Variants in CABCOCO1 observed in about 807,000 individuals in gnomAD.
CABCOCO1 encodes ciliary associated calcium binding coiled-coil 1.
Under a neutral mutation model 35.7 loss-of-function variants are expected in CABCOCO1, and 28 were observed. That is an observed-to-expected ratio of 0.78 (90% CI 0.58 to 1.07). The LOEUF (loss-of-function observed/expected upper bound fraction) is 1.07, where lower values mean the gene tolerates loss of function less well. Among genes scored for constraint, CABCOCO1 ranks in the 50% least tolerant of loss-of-function variants. The probability of loss-of-function intolerance (pLI) is 0.00; values close to 1 mark genes in which losing one functional copy is unlikely to be tolerated. For synonymous variants in CABCOCO1, 95 were observed against 100.1 expected (o/e 0.95, Z 0.30); for missense variants, 326 against 309.2 (o/e 1.05, Z -0.41).
chr10:61,705,529 G>A, intron 5 of CABCOCO1, among the ~76,000 whole-genome samples: 1 of 152,162 alleles, frequency 6.6e-6, no homozygotes, highest in East Asian at 1.9e-4. Context: ...AATGCTCAGA[G>A]CCTAGCAAGA....
intron 1 of CABCOCO1, among the ~76,000 whole-genome samples, chr10:61,667,046 T>C (rs1000962750): frequency 2.8e-5 from 4 of 142,176 alleles, no homozygotes; most frequent in African/African-American, 1.0e-4. Context: ...TATATATAAA[T>C]TTCATATATT....
intron 5 of CABCOCO1, among the ~76,000 whole-genome samples, chr10:61,752,328 G>A (rs989969565): frequency 1.9e-4 from 29 of 148,916 alleles, no homozygotes; most frequent in African/African-American, 5.2e-4. Context: ...TGCCTAATAC[G>A]GTTAAAGAAT....
At chr10:61,729,034 G>C (rs1215091037) in intron 5 of CABCOCO1, among the ~76,000 whole-genome samples, 1 of 152,114 alleles carries the variant, frequency 6.6e-6, no homozygotes, top group East Asian at 1.9e-4. Context: ...AGTTATATTT[G>C]TGGTAAGGGG....
chr10:61,680,622 C>T (rs1302175592), intron 2 of CABCOCO1, among the ~76,000 whole-genome samples: 1 of 45,352 alleles, frequency 2.2e-5, no homozygotes, highest in Non-Finnish European at 4.2e-5. Flanking sequence ...TTATACATAA[C>T]ATATACATGT....
chr10:61,706,905 A>T (rs113252307), intron 5 of CABCOCO1, among the ~76,000 whole-genome samples: 1 of 152,100 alleles, frequency 6.6e-6, no homozygotes, highest in African/African-American at 2.4e-5. Flanking sequence ...CACCCGAGGG[A>T]TAATAACAGA....
chr10:61,704,388 A>G (rs1036910009), intron 5 of CABCOCO1, among the ~76,000 whole-genome samples: 3 of 152,210 alleles, frequency 2.0e-5, no homozygotes, highest in Admixed American at 6.5e-5. Context: ...TGTGGCTTCC[A>G]TCTCAGTTCC....
In CABCOCO1 at chr10:61,688,631, C is replaced by T. The variant is rs143728531; in HGVS notation, c.480-1918C>T. ...ATTCTACCTATTTTTGGGAATTAGGCGATAGTAATCTCAGGTGTACACTCA... is the reference window on the plus strand; with the variant it reads ...ATTCTACCTATTTTTGGGAATTAGGTGATAGTAATCTCAGGTGTACACTCA... On this transcript the variant is annotated intron_variant, in intron 4 of 7. Coordinates refer to ENST00000648843, the MANE Select transcript of CABCOCO1 (RefSeq NM_001366906.2). Among the ~76,000 whole-genome samples, 22 of 152,118 alleles carry T rather than the reference C, an allele frequency of 1.4e-4. No homozygotes were observed. The East Asian group carries it at 3.5e-3, about 24-fold the overall frequency.
At chr10:61,765,900 G>A in intron 7 of CABCOCO1, 39 bp from the exon 8 acceptor site, 1 of 1,561,074 alleles carries the variant, frequency 6.4e-7, no homozygotes, top group Non-Finnish European at 8.8e-7. Context: ...GCAAAAGATA[G>A]CTCCATCATA....
intron 5 of CABCOCO1, among the ~76,000 whole-genome samples, chr10:61,708,525 T>A (rs1383764581): frequency 6.6e-6 from 1 of 152,104 alleles, no homozygotes; most frequent in Non-Finnish European, 1.5e-5. Flanking sequence ...CACCAGCAGA[T>A]TTCTAGTGTC....
intron 3 of CABCOCO1, among the ~76,000 whole-genome samples, chr10:61,681,832 G>T (rs1839801655): frequency 6.6e-6 from 1 of 152,014 alleles, no homozygotes; most frequent in Admixed American, 6.6e-5. Flanking sequence ...ATTTTCATTT[G>T]TGTATACACA....
At chr10:61,724,837 A>G (rs1841105616) in intron 5 of CABCOCO1, among the ~76,000 whole-genome samples, 1 of 152,228 alleles carries the variant, frequency 6.6e-6, no homozygotes, top group South Asian at 2.1e-4. Context: ...GGGGAGGGAT[A>G]GCATTAGGAG....
chr10:61,687,264 A>G (rs1258389422), intron 4 of CABCOCO1, among the ~76,000 whole-genome samples: 3 of 152,194 alleles, frequency 2.0e-5, no homozygotes, highest in Non-Finnish European at 4.4e-5. Context: ...TAAAAGCCAG[A>G]GTAGTTTTCA....
chr10:61,688,892 C>A (rs1007958574), intron 4 of CABCOCO1, among the ~76,000 whole-genome samples: 1 of 152,192 alleles, frequency 6.6e-6, no homozygotes, highest in African/African-American at 2.4e-5. Flanking sequence ...GTAGCACCAC[C>A]TAATCGCTCC....
At chr10:61,667,225 A>AT (rs1422900962) in intron 1 of CABCOCO1, among the ~76,000 whole-genome samples, 1 of 147,548 alleles carries the variant, frequency 6.8e-6, no homozygotes, top group Non-Finnish European at 1.5e-5. Flanking sequence ...TATTATATAC[A>AT]TTTTTATTTT....
chr10:61,711,081 T>A (rs189338080), intron 5 of CABCOCO1, among the ~76,000 whole-genome samples: 20 of 151,654 alleles, frequency 1.3e-4, no homozygotes, highest in Admixed American at 1.3e-3. Context: ...TAAATAGAAA[T>A]AAATAGTCAA....
In CABCOCO1 at chr10:61,766,120, G is replaced by A. The variant is rs1320007715; in HGVS notation, c.*107G>A. On this transcript the variant is annotated 3_prime_UTR_variant, in exon 8 of 8. Transcript: ENST00000648843. ...TGTCTCCATCACTTAGTTGTGAAAG[G>A]AAAACCAAGCCCCACTTTTTATTTT... is the stretch of plus-strand genomic sequence containing the variant. 5.9e-6 allele frequency: 6 copies of A among 1,018,138 alleles called. No homozygotes were observed. In the African/African-American group the frequency reaches 9.9e-5, roughly 17 times the overall value. 63.1% of individuals were successfully genotyped at this position (1,018,138 alleles called of 1,614,324 possible). A position where few individuals can be genotyped will look rare whatever the true frequency, so the allele number is the denominator to read the frequency against.
intron 5 of CABCOCO1, among the ~76,000 whole-genome samples, chr10:61,711,407 TA>T (rs1250857523): frequency 6.6e-6 from 1 of 151,670 alleles, no homozygotes; most frequent in South Asian, 2.1e-4. Flanking sequence ...GATTTCCTAA[TA>T]AAAAAAGGCA....
chr10:61,726,029 C>T (rs1444654964), intron 5 of CABCOCO1, among the ~76,000 whole-genome samples: 1 of 152,152 alleles, frequency 6.6e-6, no homozygotes, highest in Non-Finnish European at 1.5e-5. Flanking sequence ...GTGAGAGAAA[C>T]TCTCATACTG....
chr10:61,754,788 C>T (rs1171151241), intron 5 of CABCOCO1, among the ~76,000 whole-genome samples: 2 of 152,018 alleles, frequency 1.3e-5, no homozygotes, highest in African/African-American at 4.8e-5. Flanking sequence ...TGTTACCGTT[C>T]ACTGTTTAGG....
Sources: gnomAD v4.1 joint callset for allele counts (sites outside exome capture counted in the v4.1 genomes callset) on GRCh38, gnomAD v4.1.1 for gene constraint, MANE v1.5 for transcripts, NCBI Gene and HGNC (gene_info 2026-07-23, HGNC 2026-07-21) for gene names.